WDFY3: variants seen among roughly 807,000 people sequenced by gnomAD.
WDFY3 encodes the protein WD repeat and FYVE domain-containing protein 3.
In WDFY3, 66 loss-of-function variants were observed where a neutral mutation model predicts 409.6. The ratio of observed to expected loss-of-function variants is 0.16; its 90% CI spans 0.13 to 0.20. The LOEUF is 0.20. Among genes scored for constraint, WDFY3 ranks in the 10% least tolerant of loss-of-function variants. The probability of loss-of-function intolerance (pLI) is 1.00; values close to 1 mark genes in which losing one functional copy is unlikely to be tolerated. For missense variants in WDFY3, 3,031 were observed against 4,298.1 expected, an observed-to-expected ratio of 0.71 and a Z score of 8.24; for synonymous variants, 1,521 against 1,537.1, an observed-to-expected ratio of 0.99 and a Z score of 0.25.
chr4:84,822,214 T>C (rs948179785), intron 10 of WDFY3, among the ~76,000 whole-genome samples: 3 of 152,098 alleles, frequency 2.0e-5, no homozygotes, highest in Non-Finnish European at 4.4e-5. Flanking sequence ...ATAAAGAAAT[T>C]AAGACAGAAA....
At chr4:84,965,682 G>A (rs986320084) in intron 1 of WDFY3, 1 of 152,266 alleles carries the variant, frequency 6.6e-6, no homozygotes, top group African/African-American at 2.4e-5. Context: ...TAGGGCGTAG[G>A]GGGAGAGGCC....
chr4:84,732,059 G>A (rs374382058), intron 44 of WDFY3, among the ~76,000 whole-genome samples: 33 of 152,098 alleles, frequency 2.2e-4, no homozygotes, highest in African/African-American at 7.2e-4. Context: ...GTAACAGGCT[G>A]CAAAAATATG....
intron 2 of WDFY3, among the ~76,000 whole-genome samples, chr4:84,929,456 T>C (rs1452160233): frequency 1.3e-5 from 2 of 150,986 alleles, no homozygotes; most frequent in African/African-American, 2.4e-5. Flanking sequence ...TGTAGGGCAA[T>C]AGATTGAATT....
chr4:84,739,006 T>C lies in WDFY3; in HGVS notation c.6574+4A>G. The C allele has an allele frequency of 4.3e-6, 7 of 1,613,754 alleles. No individual in the cohort carries two copies. Among genetic ancestry groups the C allele is most frequent in the Non-Finnish European group, 5.9e-6 (7 of 1,179,716 alleles). On this transcript the variant is annotated splice_donor_region_variant and intron_variant, in intron 40 of 67. Coordinates refer to ENST00000295888, the MANE Select transcript of WDFY3 (RefSeq NM_014991.6). Reference sequence around the variant, plus strand: ...TTAAAAACATCCCAAGTCAAGGCAATTACCTTCACTAATATCTTGGCTGTA... The same window carrying C: ...TTAAAAACATCCCAAGTCAAGGCAACTACCTTCACTAATATCTTGGCTGTA...
Position 84,860,390 on chromosome 4 carries a change from G to A in WDFY3, c.180+22C>T, listed in dbSNP as rs780805376. 5 of 1,600,174 alleles carry A rather than the reference G, an allele frequency of 3.1e-6. No homozygotes were observed. The Admixed American group carries it at 6.7e-5, about 21-fold the overall frequency. On this transcript the variant is annotated intron_variant, in intron 4 of 67. Coordinates refer to ENST00000295888, the MANE Select transcript of WDFY3 (RefSeq NM_014991.6). ...AGTGCCCCCCAGTCCCGGAAGGTGT[G>A]TGTCTGGCAACCTGGACTTACCCTG... is the stretch of plus-strand genomic sequence containing the variant.
rs767831673 is a variant in WDFY3, at chr4:84,705,439, A to G, written c.8290T>C (p.Leu2764=). 1.2e-6 allele frequency: 2 copies of G among 1,614,096 alleles called. No homozygotes were observed. The highest frequency in any genetic ancestry group is 1.7e-6 in the Non-Finnish European group (2 of 1,179,980). Residue 2764 remains leucine, a synonymous_variant, in exon 54 of 68, where the codon TTA becomes CTA. Transcript: ENST00000295888. ...TTATACCGCTTCTTATACTGAGCTA[A>G]TCGTTCATCTGTTTGTGCTCCCATT... The part of the protein sequence containing the change: ...KPMGAQTDER[L]AQYKKRYKDW...
intron 10 of WDFY3, among the ~76,000 whole-genome samples, chr4:84,823,633 C>A (rs1754411124): frequency 6.6e-6 from 1 of 151,874 alleles, no homozygotes; most frequent in Non-Finnish European, 1.5e-5. Context: ...AGATCTGAAC[C>A]AAGGTAGAGA....
In WDFY3 at chr4:84,834,818, C is replaced by T. The variant is rs1035024487; in HGVS notation, c.576+2111G>A. On this transcript the variant is annotated intron_variant, in intron 7 of 67. Transcript: ENST00000295888. ...TACCAAATGCTAAAGTCCCAGGAAACCGTCTGTCACATAATACAAACGTAG... is the reference window on the plus strand; with the variant it reads ...TACCAAATGCTAAAGTCCCAGGAAATCGTCTGTCACATAATACAAACGTAG... Among the ~76,000 whole-genome samples the T allele has an allele frequency of 3.9e-5, 6 of 152,282 alleles. No individual in the cohort carries two copies. In the South Asian group the frequency reaches 1.0e-3, roughly 26 times the overall value.
rs36036245 is a variant in WDFY3 at position 84,721,790 on chromosome 4, T to C, written c.7442-218A>G. Among the ~76,000 whole-genome samples the C allele has an allele frequency of 0.3, 46,142 of 152,088 alleles. 7,636 individuals carry two copies. The highest frequency in any genetic ancestry group is 0.43 in the East Asian group (2,225 of 5,168). ...AACCTTAGTTTCTTATCTATAAAACTGGGACAAGAGCCAGGTGTGGGCAAC... is the reference window on the plus strand; with the variant it reads ...AACCTTAGTTTCTTATCTATAAAACCGGGACAAGAGCCAGGTGTGGGCAAC... On this transcript the variant is annotated intron_variant, in intron 46 of 67. Coordinates refer to ENST00000295888, the MANE Select transcript of WDFY3 (RefSeq NM_014991.6).
chr4:84,914,715 T>C (rs527388359), intron 2 of WDFY3, among the ~76,000 whole-genome samples: 26 of 152,240 alleles, frequency 1.7e-4, no homozygotes, highest in East Asian at 9.7e-4. Context: ...TGTAGAGAAA[T>C]TGGAACCCTC....
At position 84,935,986 on chromosome 4, in the gene WDFY3, C is replaced by T. The variant is rs755147981; in HGVS notation, c.-225-3623G>A. Among the ~76,000 whole-genome samples, 34 of 152,266 alleles carry T rather than the reference C, an allele frequency of 2.2e-4. 1 individual carries two copies. Among genetic ancestry groups the T allele is most frequent in the South Asian group, 1.9e-3 (9 of 4,828 alleles). On this transcript the variant is annotated intron_variant, in intron 1 of 67. Coordinates refer to ENST00000295888, the MANE Select transcript of WDFY3 (RefSeq NM_014991.6). ...CCTGACATTTTACATATTTTTACTT[C>T]ATGCTTTCCTTGCCTCCAATTTAGA... is the stretch of plus-strand genomic sequence containing the variant.
At chr4:84,862,195 A>C (rs1277271715) in intron 3 of WDFY3, among the ~76,000 whole-genome samples, 1 of 152,218 alleles carries the variant, frequency 6.6e-6, no homozygotes, top group Non-Finnish European at 1.5e-5. Context: ...GAGGCACTGT[A>C]GCTAACAGGA....
intron 1 of WDFY3, among the ~76,000 whole-genome samples, chr4:84,955,534 T>C (rs1774137221): frequency 6.6e-6 from 1 of 152,154 alleles, no homozygotes. Context: ...TCCAACATTT[T>C]TCAAAATAAG....
At chr4:84,920,333 C>A (rs1489705527) in intron 2 of WDFY3, among the ~76,000 whole-genome samples, 12 of 151,996 alleles carry the variant, frequency 7.9e-5, no homozygotes, top group Non-Finnish European at 1.8e-4. Context: ...TTTTAGACTG[C>A]TAATATAAGA....
intron 22 of WDFY3, among the ~76,000 whole-genome samples, chr4:84,788,663 C>T (rs186432390): frequency 3.3e-4 from 50 of 152,290 alleles, no homozygotes; most frequent in African/African-American, 9.4e-4. Flanking sequence ...TTCAAAGATA[C>T]TGCTGGTTTC....
At chr4:84,793,351 T>C (rs568420647) in intron 21 of WDFY3, among the ~76,000 whole-genome samples, 1 of 152,296 alleles carries the variant, frequency 6.6e-6, no homozygotes, top group African/African-American at 2.4e-5. Flanking sequence ...GAGATGTTTA[T>C]TGGAATACTG....
At chr4:84,673,104 T>C (rs1461738983) in intron 67 of WDFY3, 113 bp from the exon 68 acceptor site, 7 of 1,390,902 alleles carry the variant, frequency 5.0e-6, no homozygotes, top group Non-Finnish European at 6.8e-6. Context: ...AAGGCCATAC[T>C]GGTTTGTGTT....
intron 47 of WDFY3, among the ~76,000 whole-genome samples, chr4:84,719,914 G>A (rs938818176): frequency 2.0e-5 from 3 of 152,114 alleles, no homozygotes; most frequent in East Asian, 1.9e-4. Flanking sequence ...ACATTTGAAC[G>A]GAACTGTTTT....
At chr4:84,945,844 A>ATACT (rs1485043423) in intron 1 of WDFY3, among the ~76,000 whole-genome samples, 5 of 152,214 alleles carry the variant, frequency 3.3e-5, no homozygotes, top group African/African-American at 1.2e-4. Flanking sequence ...CAAGAATGAA[A>ATACT]TACTTATACC....
Sources: allele counts gnomAD v4.1 joint callset (sites outside exome capture counted in the v4.1 genomes callset), GRCh38; gene constraint gnomAD v4.1.1; transcripts MANE v1.5; gene names NCBI Gene and HGNC (gene_info 2026-07-23, HGNC 2026-07-21).